The following GRM7 variants were observed in gnomAD, a reference collection of about 807,000 sequenced individuals.
GRM7 encodes glutamate metabotropic receptor 7.
Under a neutral mutation model 84.5 loss-of-function variants are expected in GRM7, and 35 were observed. The ratio of observed to expected loss-of-function variants is 0.41; its 90% CI spans 0.32 to 0.55. The LOEUF (loss-of-function observed/expected upper bound fraction) is 0.55, where lower values mean the gene tolerates loss of function less well. GRM7 is among the 20% of genes least tolerant of loss of function. The probability of loss-of-function intolerance (pLI) is 0.19; values close to 1 mark genes in which losing one functional copy is unlikely to be tolerated. For synonymous variants in GRM7, 487 were observed against 455.1 expected (o/e 1.07, Z -0.89); for missense variants, 1,003 against 1,194.6 (o/e 0.84, Z 2.36).
chr3:7,401,087 A>G (rs1575280107), intron 4 of GRM7, among the ~76,000 whole-genome samples: 1 of 152,124 alleles, frequency 6.6e-6, no homozygotes, highest in African/African-American at 2.4e-5. Context: ...TCTCTCTACC[A>G]TGGGGCCTTT....
At chr3:7,455,938 T>C (rs1697990765) in intron 6 of GRM7, among the ~76,000 whole-genome samples, 1 of 152,100 alleles carries the variant, frequency 6.6e-6, no homozygotes, top group Admixed American at 6.6e-5. Context: ...AGGAGTTGCC[T>C]AGTATCTGAA....
chr3:7,423,270 A>C (rs564813843), intron 5 of GRM7, among the ~76,000 whole-genome samples: 6 of 152,320 alleles, frequency 3.9e-5, no homozygotes, highest in African/African-American at 1.4e-4. Context: ...ATTCAGGCAA[A>C]GCTCTTTCCA....
intron 1 of GRM7, among the ~76,000 whole-genome samples, chr3:6,885,143 G>A (rs1389166494): frequency 6.6e-6 from 1 of 152,214 alleles, no homozygotes; most frequent in South Asian, 2.1e-4. Flanking sequence ...GGCTTAGCCC[G>A]AGAGGGTTCT....
chr3:7,108,943 G>C (rs1692749980), intron 1 of GRM7, among the ~76,000 whole-genome samples: 1 of 151,976 alleles, frequency 6.6e-6, no homozygotes, highest in Non-Finnish European at 1.5e-5. Context: ...CATGCAATTG[G>C]AGGTTTCAAA....
intron 5 of GRM7, among the ~76,000 whole-genome samples, chr3:7,422,755 T>C (rs183941290): frequency 0.011 from 1,634 of 152,306 alleles, 17 homozygotes; most frequent in Non-Finnish European, 0.014. Flanking sequence ...TTATTTTCTT[T>C]TTTACTTCCA....
chr3:7,455,280 ATT>A (rs912461807), intron 6 of GRM7, among the ~76,000 whole-genome samples: 1 of 152,172 alleles, frequency 6.6e-6, no homozygotes, highest in African/African-American at 2.4e-5. Context: ...CTAAGTAGTA[ATT>A]TTTTTAGGCA....
chr3:7,710,303 C>A (rs1374910104), intron 9 of GRM7, among the ~76,000 whole-genome samples: 2 of 152,078 alleles, frequency 1.3e-5, no homozygotes, highest in African/African-American at 2.4e-5. Context: ...TCCTTAAAAA[C>A]AAAACCCCAA....
At chr3:7,482,581 G>A (rs184674740) in intron 7 of GRM7, among the ~76,000 whole-genome samples, 2 of 152,340 alleles carry the variant, frequency 1.3e-5, no homozygotes, top group East Asian at 3.9e-4. Context: ...GGAAAAGCAA[G>A]TGGTATGAGA....
At chr3:6,978,872 C>A (rs1214861085) in intron 1 of GRM7, among the ~76,000 whole-genome samples, 1 of 152,100 alleles carries the variant, frequency 6.6e-6, no homozygotes, top group Non-Finnish European at 1.5e-5. Flanking sequence ...AATCATTCAT[C>A]CTTGATAGTG....
At chr3:7,238,729 C>T (rs1256583095) in intron 2 of GRM7, among the ~76,000 whole-genome samples, 1 of 151,504 alleles carries the variant, frequency 6.6e-6, no homozygotes, top group African/African-American at 2.4e-5. Flanking sequence ...CCTTTCTATT[C>T]TTTTCTTTTT....
chr3:7,454,090 A>ACACTCTCTCTCTCTCTCTCTCT (rs1365192243), intron 6 of GRM7, among the ~76,000 whole-genome samples: 30 of 140,198 alleles, frequency 2.1e-4, no homozygotes, highest in South Asian at 4.6e-4. Context: ...CTACACACAC[A>ACACTCTCTCTCTCTCTCTCTCT]CTCTCTCTCT....
chr3:7,039,018 A>C (rs1424295148), intron 1 of GRM7, among the ~76,000 whole-genome samples: 1 of 152,166 alleles, frequency 6.6e-6, no homozygotes, highest in Non-Finnish European at 1.5e-5. Context: ...CGGGGAGTGG[A>C]ACCCTATGGT....
rs1029421167 is a variant in GRM7 at position 7,668,516 on chromosome 3, C to T, written c.2452-11533C>T. ...CATTTAAATATGGAGGCAAAAGTTG[C>T]TTTGAGAACTTGCCTAACAGAACAG... On this transcript the variant is annotated intron_variant, in intron 8 of 9. Coordinates refer to ENST00000357716, the MANE Select transcript of GRM7 (RefSeq NM_000844.4). Among the ~76,000 whole-genome samples the T allele has an allele frequency of 4.6e-5, 7 of 152,258 alleles. 1 individual carries two copies. The South Asian group carries it at 8.3e-4, about 18-fold the overall frequency.
chr3:7,425,611 A>T (rs1291249794), intron 5 of GRM7, among the ~76,000 whole-genome samples: 1 of 152,224 alleles, frequency 6.6e-6, no homozygotes, highest in African/African-American at 2.4e-5. Flanking sequence ...GAGCTACCAA[A>T]GTGGTCCAAC....
At chr3:7,461,456 C>A in intron 6 of GRM7, 127 bp from the exon 7 acceptor site, 1 of 661,792 alleles carries the variant, frequency 1.5e-6, no homozygotes, top group Non-Finnish European at 2.6e-6. Flanking sequence ...TTTGGGGGGA[C>A]CTATTAAAGG....
At chr3:7,574,846 C>T (rs556119570) in intron 7 of GRM7, among the ~76,000 whole-genome samples, 1 of 152,248 alleles carries the variant, frequency 6.6e-6, no homozygotes, top group East Asian at 1.9e-4. Context: ...GGTGTCTTTC[C>T]TTTGTCTTAA....
intron 2 of GRM7, among the ~76,000 whole-genome samples, chr3:7,204,824 C>G (rs903990364): frequency 9.2e-5 from 14 of 152,182 alleles, no homozygotes; most frequent in Non-Finnish European, 2.9e-5. Context: ...TGATTACTCA[C>G]ATTAAAAATA....
intron 2 of GRM7, among the ~76,000 whole-genome samples, chr3:7,178,921 A>G (rs968483469): frequency 1.1e-4 from 15 of 133,592 alleles, no homozygotes; most frequent in African/African-American, 4.3e-4. Context: ...TCTCTACTAA[A>G]AATACAAAAA....
At chr3:6,865,610 G>A (rs1443901019) in intron 1 of GRM7, among the ~76,000 whole-genome samples, 8 of 151,648 alleles carry the variant, frequency 5.3e-5, no homozygotes, top group East Asian at 1.9e-4. Context: ...TACCCTTGTC[G>A]GAGCATAATG....
Sources: gnomAD v4.1 joint callset for allele counts (sites outside exome capture counted in the v4.1 genomes callset) on GRCh38, gnomAD v4.1.1 for gene constraint, MANE v1.5 for transcripts, NCBI Gene and HGNC (gene_info 2026-07-23, HGNC 2026-07-21) for gene names.